Variants in SNAP47 observed in about 807,000 individuals in gnomAD.
The protein encoded by SNAP47 is synaptosomal-associated protein 47.
In SNAP47, 20 loss-of-function variants were observed where a neutral mutation model predicts 31.4. That is an observed-to-expected ratio of 0.64 (90% CI 0.45 to 0.93). SNAP47 has a LOEUF of 0.93. Among genes scored for constraint, SNAP47 ranks in the 40% least tolerant of loss-of-function variants. SNAP47 has a pLI of 0.00. For missense variants in SNAP47, 492 were observed against 528.5 expected, an observed-to-expected ratio of 0.93 and a Z score of 0.68; for synonymous variants, 194 against 213.4, an observed-to-expected ratio of 0.91 and a Z score of 0.79.
Position 227,729,544 on chromosome 1 carries a change from A to C in SNAP47, c.-95+758A>C, listed in dbSNP as rs117293215. Among the ~76,000 whole-genome samples the C allele has an allele frequency of 3.2e-3, 485 of 152,278 alleles. 14 individuals carry two copies. The East Asian group carries it at 0.063, about 20-fold the overall frequency. Reference sequence around the variant, plus strand: ...AGCAAAGGGAAGGATGTGGCCTTGGATGTGGCTCTCAGGGATGCCCCAGAC... The same window carrying C: ...AGCAAAGGGAAGGATGTGGCCTTGGCTGTGGCTCTCAGGGATGCCCCAGAC... On this transcript the variant is annotated intron_variant, in intron 1 of 3. Transcript: ENST00000366760.
rs1254162289 is a variant in SNAP47, at chr1:227,779,577, C to A, written c.1114-950C>A. Among the ~76,000 whole-genome samples the A allele has an allele frequency of 5.9e-5, 9 of 152,326 alleles. No homozygotes were observed. In the South Asian group the frequency reaches 1.2e-3, roughly 21 times the overall value. On this transcript the variant is annotated intron_variant, in intron 4 of 4. Coordinates refer to ENST00000617596, the MANE Select transcript of SNAP47 (RefSeq NM_053052.4). ...GACCTAAGCAGTGATCCAGAACTTT[C>A]CCTGAAAGAGGACATGGACATTTAT...
At chr1:227,735,211 GGGGACATCGACCCCCA>G (rs2102872172), upstream of SNAP47, 1 of 1,587,234 alleles carries the variant, frequency 6.3e-7, no homozygotes, top group South Asian at 1.1e-5. Flanking sequence ...GGCCGACGCC[GGGGACATCGACCCCCA>G]GGCCTCGGAA....
At chr1:227,736,752 G>A (rs935987760) in intron 1 of SNAP47, among the ~76,000 whole-genome samples, 2 of 149,760 alleles carry the variant, frequency 1.3e-5, no homozygotes, top group African/African-American at 4.9e-5. Context: ...GAACGTTTGG[G>A]CTCAAGCAAT....
chr1:227,743,604 CCTG>C, intron 1 of SNAP47, among the ~76,000 whole-genome samples: 1 of 152,366 alleles, frequency 6.6e-6, no homozygotes, highest in Admixed American at 6.5e-5. Flanking sequence ...TTCTCTGACA[CCTG>C]CTCCCTTCAC....
chr1:227,757,365 C>T (rs887912642), intron 2 of SNAP47, among the ~76,000 whole-genome samples: 3 of 152,230 alleles, frequency 2.0e-5, no homozygotes, highest in African/African-American at 7.2e-5. Flanking sequence ...ACCATTTTGA[C>T]ATTTCACATC....
chr1:227,776,232 C>A (rs2103000239), intron 4 of SNAP47: 2 of 1,068,102 alleles, frequency 1.9e-6, no homozygotes, highest in Admixed American at 4.5e-5. Context: ...CTCTTAGGAA[C>A]ACTTCTATCA....
chr1:227,766,792 C>T (rs567573815), intron 3 of SNAP47, among the ~76,000 whole-genome samples, 167 bp from the exon 4 acceptor site: 3 of 152,338 alleles, frequency 2.0e-5, no homozygotes, highest in South Asian at 2.1e-4. Context: ...CCTAATCCTT[C>T]GGGGCCGGGT....
At chr1:227,775,261 G>A (rs1664086731) in intron 4 of SNAP47, among the ~76,000 whole-genome samples, 1 of 152,186 alleles carries the variant, frequency 6.6e-6, no homozygotes, top group African/African-American at 2.4e-5. Context: ...TACATTCTCT[G>A]CAGCATATTA....
chr1:227,734,670 T>C (rs376894516), upstream of SNAP47: 29 of 1,613,630 alleles, frequency 1.8e-5, no homozygotes, highest in Non-Finnish European at 2.5e-5. Flanking sequence ...TGCCAGTCTT[T>C]GAGGTAGAGA....
chr1:227,763,147 G>T lies in SNAP47; in HGVS notation c.988+3662G>T, dbSNP rs969331303. ...AATTTTTTTTTTTTTTAATTATGGG[G>T]TCTTGCCGTGTTGCCTAGGCTGGTC... On this transcript the variant is annotated intron_variant, in intron 3 of 4. Coordinates refer to ENST00000617596, the MANE Select transcript of SNAP47 (RefSeq NM_053052.4). This position sits in a 1 kb window ranked among gnomAD's most constrained non-coding sequence, Gnocchi z 4.2. Among the ~76,000 whole-genome samples, 3 of 151,576 alleles carry T rather than the reference G, an allele frequency of 2.0e-5. No individual in the cohort carries two copies. The highest frequency in any genetic ancestry group is 4.4e-5 in the Non-Finnish European group (3 of 67,894).
intron 1 of SNAP47, among the ~76,000 whole-genome samples, chr1:227,744,735 G>A (rs76573612): frequency 6.6e-6 from 1 of 152,170 alleles, no homozygotes; most frequent in South Asian, 2.1e-4. Context: ...TCAAGAAAAC[G>A]GCAGGCCCTA....
At chr1:227,748,969 A>G (rs1447308678) in intron 2 of SNAP47, among the ~76,000 whole-genome samples, 2 of 151,682 alleles carry the variant, frequency 1.3e-5, no homozygotes, top group East Asian at 3.9e-4. Flanking sequence ...CTCCTTTCGT[A>G]TTTGGCTTTC....
Position 227,759,430 on chromosome 1 carries a change from C to T in SNAP47, c.933C>T (p.Leu311=), listed in dbSNP as rs139368424. The T allele has an allele frequency of 6.1e-5, 99 of 1,614,208 alleles. No homozygotes were observed. The highest frequency in any genetic ancestry group is 8.0e-5 in the Non-Finnish European group (94 of 1,180,046). Residue 311 remains leucine (L), a synonymous_variant, in exon 3 of 5, where the codon CTC becomes CTT. Coordinates refer to ENST00000617596, the MANE Select transcript of SNAP47 (RefSeq NM_053052.4). ...AGCTGTTAGAAGATGCATTGGTGCTCAGAAGCGCAAGAACCTCTTCCCCCG... is the reference window on the plus strand; with the variant it reads ...AGCTGTTAGAAGATGCATTGGTGCTTAGAAGCGCAAGAACCTCTTCCCCCG... ...KMELLEDALV[L]RSARTSSPAE...
At chr1:227,748,588 C>G (rs1662134387) in intron 2 of SNAP47, among the ~76,000 whole-genome samples, 1 of 152,216 alleles carries the variant, frequency 6.6e-6, no homozygotes, top group Admixed American at 6.5e-5. Flanking sequence ...GTTTCTGGCT[C>G]CTATGTGGTG....
At chr1:227,733,052 G>T, upstream of SNAP47, 1 of 1,611,954 alleles carries the variant, frequency 6.2e-7, no homozygotes, top group Non-Finnish European at 8.5e-7. Context: ...GTGCAGGCAG[G>T]CCTGAGCCCA....
chr1:227,757,033 T>C (rs1662743178), intron 2 of SNAP47, among the ~76,000 whole-genome samples: 2 of 151,808 alleles, frequency 1.3e-5, no homozygotes, highest in African/African-American at 4.8e-5. Flanking sequence ...GTCTCAGATG[T>C]GGAAGTTCAA....
intron 2 of SNAP47, among the ~76,000 whole-genome samples, chr1:227,751,943 T>G (rs1662399282): frequency 6.6e-6 from 1 of 151,864 alleles, no homozygotes; most frequent in African/African-American, 2.4e-5. Context: ...TTTTTGTATT[T>G]TTTAGTAGAG....
intron 4 of SNAP47, among the ~76,000 whole-genome samples, chr1:227,767,940 A>T (rs1663544561): frequency 6.6e-6 from 1 of 152,250 alleles, no homozygotes; most frequent in South Asian, 2.1e-4. Context: ...TGTTCAGTGT[A>T]AATACTCCTA....
chr1:227,772,659 AC>A (rs1209744493), intron 4 of SNAP47, among the ~76,000 whole-genome samples: 2 of 151,870 alleles, frequency 1.3e-5, no homozygotes, highest in East Asian at 3.9e-4. Flanking sequence ...ATAAAGCTTT[AC>A]CCCCATGTTT....
Sources: gnomAD v4.1 joint callset for allele counts (sites outside exome capture counted in the v4.1 genomes callset) on GRCh38, gnomAD v4.1.1 for gene constraint, Gnocchi (gnomAD v3.1) non-coding constraint, MANE v1.5 for transcripts, NCBI Gene and HGNC (gene_info 2026-07-23, HGNC 2026-07-21) for gene names.